The following RBPJL variants were observed in gnomAD, a reference collection of about 807,000 sequenced individuals.
The protein encoded by RBPJL is recombination signal binding protein for immunoglobulin kappa J region like.
RBPJL carries 50 observed loss-of-function variants against 57.6 expected under a neutral mutation model. The observed-to-expected ratio is 0.87, with a 90% CI of 0.69 to 1.10. RBPJL has a LOEUF of 1.10. Ranked by LOEUF, RBPJL falls within the 50% of genes least tolerant of loss-of-function variation. The pLI is 0.00. For missense variants in RBPJL, 684 were observed against 693.7 expected, an observed-to-expected ratio of 0.99 and a Z score of 0.16; for synonymous variants, 303 against 294.4, an observed-to-expected ratio of 1.03 and a Z score of -0.30.
chr20:45,316,796 G>T lies in RBPJL; in HGVS notation c.1391G>T (p.Gly464Val), dbSNP rs771032093. The T allele has an allele frequency of 6.2e-7, 1 of 1,613,882 alleles. No homozygotes were observed. The highest frequency in any genetic ancestry group is 1.1e-5 in the South Asian group (1 of 91,084). ...CCCATGAGCCTGGTGCGCGCCGACG[G>T]GCTCTTCTACCCTAGTGCCTTCTCC... The part of the protein sequence containing the change: ...TIPMSLVRAD[G>V]LFYPSAFSFT... The change falls in exon 12 of 12, where the codon GGG becomes GTG. Residue 464 changes from glycine to valine, a missense_variant. Transcript: ENST00000343694.
rs768522448 is a variant in RBPJL at position 45,316,772 on chromosome 20, C to G, written c.1367C>G (p.Pro456Arg). 1.2e-6 allele frequency: 2 copies of G among 1,613,902 alleles called. No individual in the cohort carries two copies. The highest frequency in any genetic ancestry group is 1.1e-5 in the South Asian group (1 of 91,088). The change falls in exon 12 of 12, where the codon CCC becomes CGC. Residue 456 changes from proline to arginine, a missense_variant. Pro to Arg is a moderately radical substitution (Grantham distance 103). Coordinates refer to ENST00000343694, the MANE Select transcript of RBPJL (RefSeq NM_014276.4). ...WRWLRAPITI[P>R]MSLVRADGLF... ...TGGCTGCGCGCTCCCATCACAATCC[C>G]CATGAGCCTGGTGCGCGCCGACGGG...
Position 45,316,338 on chromosome 20 carries a change from T to G in RBPJL, c.1172T>G (p.Leu391Arg). 1 of 1,613,586 alleles carries G rather than the reference T, an allele frequency of 6.2e-7. No homozygotes were observed. The highest frequency in any genetic ancestry group is 8.5e-7 in the Non-Finnish European group (1 of 1,179,580). The change falls in exon 10 of 12, where the codon CTA becomes CGA. Residue 391 changes from leucine to arginine, a missense_variant. Transcript: ENST00000343694. ...ACTCCGGTGCCTCTCATCAGCACCC[T>G]AGAGGTGAAGCCGGGCGCTAGGGGC... ...PVTPVPLIST[L>R]ELSGGGDVAT...
chr20:45,312,481 G>A (rs2145691539), intron 6 of RBPJL, 86 bp downstream of exon 6: 2 of 1,381,768 alleles, frequency 1.4e-6, no homozygotes, highest in Non-Finnish European at 9.9e-7. Flanking sequence ...GGAGGTGGGG[G>A]TAGGCTGGGC....
Position 45,316,327 on chromosome 20 carries a change from C to T in RBPJL, c.1161C>T (p.Leu387=), listed in dbSNP as rs1390833934. The T allele has an allele frequency of 1.9e-6, 3 of 1,614,070 alleles. No individual in the cohort carries two copies. The highest frequency in any genetic ancestry group is 2.5e-6 in the Non-Finnish European group (3 of 1,179,926). The change falls in exon 10 of 12, where the codon CTC becomes CTT. Residue 387 remains leucine (L), a synonymous_variant. Coordinates refer to ENST00000343694, the MANE Select transcript of RBPJL (RefSeq NM_014276.4). ...CTLEPVTPVP[L]ISTLELSGGG... ...TGGAGCCGGTCACTCCGGTGCCTCT[C>T]ATCAGCACCCTAGAGGTGAAGCCGG...
At chr20:45,315,692 G>A (rs560967343) in intron 9 of RBPJL, among the ~76,000 whole-genome samples, 2 of 148,088 alleles carry the variant, frequency 1.4e-5, no homozygotes, top group Non-Finnish European at 3.0e-5. Flanking sequence ...AATGAGCCAA[G>A]ATCAGGCCAT....
chr20:45,314,522 G>A lies in RBPJL; in HGVS notation c.977G>A (p.Gly326Asp), dbSNP rs377445402. ...CCAGGCAGTCCCCCAGGAGGGGGTGGCACCTACTTATGCCTTGCCACAGAG... is the reference window on the plus strand; with the variant it reads ...CCAGGCAGTCCCCCAGGAGGGGGTGACACCTACTTATGCCTTGCCACAGAG... ...QFPGSPPGGG[G>D]TYLCLATEKV... The change falls in exon 9 of 12, where the codon GGC becomes GAC. Residue 326 changes from glycine to aspartate, a missense_variant. Physicochemically the swap from Gly to Asp is moderately conservative, Grantham distance 94. Transcript: ENST00000343694. The A allele has an allele frequency of 1.9e-6, 3 of 1,614,006 alleles. No homozygotes were observed. The highest frequency in any genetic ancestry group is 2.7e-5 in the African/African-American group (2 of 74,948).
rs1348114067 is a variant in RBPJL, at chr20:45,314,443, C to T, written c.898C>T (p.Leu300Phe). 1.2e-6 allele frequency: 2 copies of T among 1,614,138 alleles called. No individual in the cohort carries two copies. Among genetic ancestry groups the T allele is most frequent in the Non-Finnish European group, 1.7e-6 (2 of 1,179,986 alleles). The change falls in exon 9 of 12, where the codon CTC (leucine) becomes TTC (phenylalanine). Residue 300 changes from leucine to phenylalanine, a missense_variant. Coordinates refer to ENST00000343694, the MANE Select transcript of RBPJL (RefSeq NM_014276.4). ...IIRKVAKQCALLDVDEPISQL... is the reference protein window; with the variant it reads ...IIRKVAKQCAFLDVDEPISQL... ...CCGTAAAGTAGCAAAACAGTGTGCG[C>T]TCCTTGATGTGGATGAGCCCATCTC...
chr20:45,312,717 C>T (rs1987246777), intron 6 of RBPJL, among the ~76,000 whole-genome samples: 1 of 150,638 alleles, frequency 6.6e-6, no homozygotes, highest in Non-Finnish European at 1.5e-5. Context: ...AGGTGGGGCA[C>T]GGTGGCTCAT....
rs763625652 is a variant in RBPJL, at chr20:45,314,442, G to A, written c.897G>A (p.Ala299=). The change falls in exon 9 of 12, where the codon GCG becomes GCA. Residue 299 remains alanine, a synonymous_variant. Coordinates refer to ENST00000343694, the MANE Select transcript of RBPJL (RefSeq NM_014276.4). ...TCCGTAAAGTAGCAAAACAGTGTGCGCTCCTTGATGTGGATGAGCCCATCT... is the reference window on the plus strand; with the variant it reads ...TCCGTAAAGTAGCAAAACAGTGTGCACTCCTTGATGTGGATGAGCCCATCT... ...MIIRKVAKQC[A]LLDVDEPISQ... 8 of 1,614,100 alleles carry A rather than the reference G, an allele frequency of 5.0e-6. No individual in the cohort carries two copies. Among genetic ancestry groups the A allele is most frequent in the East Asian group, 4.5e-5 (2 of 44,886 alleles).
chr20:45,309,178 T>C lies in RBPJL; in HGVS notation c.132-389T>C, dbSNP rs2076027. Among the ~76,000 whole-genome samples the C allele has an allele frequency of 0.051, 7,724 of 151,866 alleles. 448 individuals are homozygous for C. The highest frequency in any genetic ancestry group is 0.33 in the East Asian group (1,657 of 5,072). ...GGTGGGGAAGCTTCATCTCTACCAA[T>C]TCCATCAGCCCTAAAATACTCTTCT... On this transcript the variant is annotated intron_variant, in intron 2 of 11. Transcript: ENST00000343694.
chr20:45,315,039 C>T (rs1216885507), intron 9 of RBPJL, among the ~76,000 whole-genome samples: 1 of 152,032 alleles, frequency 6.6e-6, no homozygotes, highest in Non-Finnish European at 1.5e-5. Context: ...GCCAGGATCA[C>T]ACCATTGCAC....
At chr20:45,316,090 G>T in intron 9 of RBPJL, 97 bp from the exon 10 acceptor site, 1 of 1,196,398 alleles carries the variant, frequency 8.4e-7, no homozygotes, top group Non-Finnish European at 1.2e-6. Context: ...TTAGTATCCA[G>T]TTCGGTCTAA....
At chr20:45,307,011 C>G in intron 1 of RBPJL, 67 bp downstream of exon 1, 2 of 976,674 alleles carry the variant, frequency 2.0e-6, no homozygotes, top group Non-Finnish European at 2.7e-6. Context: ...ACCCCCCCAC[C>G]CCCTCCCCAC....
chr20:45,317,035 T>C lies in RBPJL; in HGVS notation c.*76T>C, dbSNP rs1987515311. ...GGCGCGGGGACGTGTTTCTGGGTTCTAGGCCCTGCTTCCTTGCCCCTTTGC... is the reference window on the plus strand; with the variant it reads ...GGCGCGGGGACGTGTTTCTGGGTTCCAGGCCCTGCTTCCTTGCCCCTTTGC... On this transcript the variant is annotated 3_prime_UTR_variant, in exon 12 of 12. Transcript: ENST00000343694. The C allele has an allele frequency of 2.0e-6, 3 of 1,503,252 alleles. No individual in the cohort carries two copies. Among genetic ancestry groups the C allele is most frequent in the South Asian group, 1.3e-5 (1 of 78,012 alleles). The allele number at this position is 1,503,252 out of a possible 1,614,324, so 93.1% of individuals were successfully genotyped here. A position where few individuals can be genotyped will look rare whatever the true frequency, so the allele number is the denominator to read the frequency against.
chr20:45,311,479 C>A (rs995550392), intron 3 of RBPJL, 110 bp from the exon 4 acceptor site: 8 of 955,524 alleles, frequency 8.4e-6, no homozygotes, highest in Middle Eastern at 2.2e-4. Flanking sequence ...TTGCGGGGAG[C>A]GGGAGGAGGA....
chr20:45,311,116 CAAA>C (rs34206228), intron 3 of RBPJL, among the ~76,000 whole-genome samples: 8 of 91,468 alleles, frequency 8.7e-5, no homozygotes, highest in Admixed American at 1.2e-4. Flanking sequence ...GACCCTGCCT[CAAA>C]AAAAAAAAAA....
rs916674320 is a variant in RBPJL, at chr20:45,316,414, G to C, written c.1177-63G>C. ...CTGGGCAGTGGTGGTGCTAGTGAGT[G>C]GGGGGCAGCGGGTTCCCGCCCTACT... On this transcript the variant is annotated intron_variant, in intron 10 of 11. Transcript: ENST00000343694. 2.5e-6 allele frequency: 4 copies of C among 1,581,070 alleles called. No individual in the cohort carries two copies. The Admixed American group carries it at 5.5e-5, about 22-fold the overall frequency.
At chr20:45,311,383 T>A (rs1197505095) in intron 3 of RBPJL, among the ~76,000 whole-genome samples, 1 of 151,716 alleles carries the variant, frequency 6.6e-6, no homozygotes. Flanking sequence ...GAAGGTGGAG[T>A]GGACAGGACC....
At chr20:45,307,966 G>A (rs1167112073) in intron 1 of RBPJL, among the ~76,000 whole-genome samples, 177 bp from the exon 2 acceptor site, 2 of 152,164 alleles carry the variant, frequency 1.3e-5, no homozygotes, top group African/African-American at 2.4e-5. Flanking sequence ...GGGGTTCCTG[G>A]AGGGATGAGA....
Sources: allele counts gnomAD v4.1 joint callset (sites outside exome capture counted in the v4.1 genomes callset), GRCh38; gene constraint gnomAD v4.1.1; transcripts MANE v1.5; gene names NCBI Gene and HGNC (gene_info 2026-07-23, HGNC 2026-07-21).